TSKU: variants seen among roughly 807,000 people sequenced by gnomAD.
TSKU encodes tsukushi.
A neutral mutation model predicts 11.2 loss-of-function variants in TSKU; 4 were observed. The ratio of observed to expected loss-of-function variants is 0.36; its 90% confidence interval spans 0.18 to 0.82. The LOEUF (loss-of-function observed/expected upper bound fraction) is 0.82. Ranked by LOEUF, TSKU falls within the 40% of genes least tolerant of loss-of-function variation. The probability of loss-of-function intolerance (pLI) is 0.50; values close to 1 mark genes in which losing one functional copy is unlikely to be tolerated. For missense variants in TSKU, 407 were observed against 482.5 expected (o/e 0.84, Z 1.47); for synonymous variants, 220 against 232.2 (o/e 0.95, Z 0.48).
chr11:76,788,621 C>G (rs939592753), intron 1 of TSKU, among the ~76,000 whole-genome samples: 4 of 152,214 alleles, frequency 2.6e-5, no homozygotes, highest in Admixed American at 1.3e-4. Flanking sequence ...GCCTGCCATT[C>G]TGTCATTTAA....
chr11:76,793,900 A>G (rs569667762), intron 1 of TSKU, among the ~76,000 whole-genome samples: 7 of 152,168 alleles, frequency 4.6e-5, no homozygotes, highest in South Asian at 2.1e-4. Context: ...TCAAGTGGCT[A>G]GCCCTTTAAA....
chr11:76,789,823 T>G (rs543969390), intron 1 of TSKU, among the ~76,000 whole-genome samples: 1 of 152,242 alleles, frequency 6.6e-6, no homozygotes, highest in East Asian at 1.9e-4. Context: ...AGGGAGGCAG[T>G]GTGAATACTG....
intron 1 of TSKU, among the ~76,000 whole-genome samples, chr11:76,783,670 C>T (rs1170683157): frequency 6.6e-6 from 1 of 152,196 alleles, no homozygotes; most frequent in Non-Finnish European, 1.5e-5. Flanking sequence ...ACGTGCATCT[C>T]ACGTTTGTGG....
Position 76,796,335 on chromosome 11 carries a change from A to G in TSKU, c.719A>G (p.Gln240Arg), listed in dbSNP as rs757688553. ...ACACACCTGTCTCTGGCCAGCCTGCAGAGGCTCCCTGAGCTGGCGCCCAGT... is the reference window on the plus strand; with the variant it reads ...ACACACCTGTCTCTGGCCAGCCTGCGGAGGCTCCCTGAGCTGGCGCCCAGT... Reference protein sequence around the residue: ...GLTHLSLASLQRLPELAPSGF... With the variant: ...GLTHLSLASLRRLPELAPSGF... The change falls in exon 2 of 2, where the codon CAG (glutamine) becomes CGG (arginine). Residue 240 changes from glutamine (Q) to arginine (R), a missense_variant. Gln to Arg is a conservative substitution (Grantham distance 43, BLOSUM62 1). Transcript: ENST00000333090. This position sits in a 1 kb window ranked among gnomAD's most constrained non-coding sequence, Gnocchi z 4.1. The G allele has an allele frequency of 1.9e-6, 3 of 1,613,288 alleles. No individual in the cohort carries two copies. The highest frequency in any genetic ancestry group is 2.5e-6 in the Non-Finnish European group (3 of 1,180,002).
intron 1 of TSKU, among the ~76,000 whole-genome samples, chr11:76,790,230 T>A (rs1442744101): frequency 6.6e-6 from 1 of 152,030 alleles, no homozygotes. Context: ...ATGAGGACAG[T>A]CCATGGCAGA....
At chr11:76,784,746 T>TGG (rs774195231) in intron 1 of TSKU, among the ~76,000 whole-genome samples, 77 of 41,782 alleles carry the variant, frequency 1.8e-3, no homozygotes, top group African/African-American at 2.3e-3. Context: ...TGACCGGAGG[T>TGG]GGGGGGGGGG....
At chr11:76,792,437 C>T (rs1239849109) in intron 1 of TSKU, 2 of 152,132 alleles carry the variant, frequency 1.3e-5, no homozygotes, top group African/African-American at 2.4e-5. Flanking sequence ...GTTGGGAAGG[C>T]ATGATTGGTT....
At chr11:76,786,057 C>G (rs181983421) in intron 1 of TSKU, among the ~76,000 whole-genome samples, 38 of 152,368 alleles carry the variant, frequency 2.5e-4, no homozygotes, top group Admixed American at 1.6e-3. Context: ...CAATAGAAGG[C>G]AGAGACAGCA....
At chr11:76,782,811 A>C (rs903483133), upstream of TSKU, 1 of 151,874 alleles carries the variant, frequency 6.6e-6, no homozygotes, top group East Asian at 1.9e-4. Context: ...TCTCTGCTTC[A>C]GATTCTTGGT....
At chr11:76,782,360 G>C (rs1944243831), upstream of TSKU, 1 of 151,802 alleles carries the variant, frequency 6.6e-6, no homozygotes, top group Non-Finnish European at 1.5e-5. Context: ...TCTAGGAGAA[G>C]CTCCTGGGAG....
At position 76,796,090 on chromosome 11, in the gene TSKU, G is replaced by A. The variant is rs966127182; in HGVS notation, c.474G>A (p.Arg158=). The change falls in exon 2 of 2, where the codon CGG becomes CGA. Residue 158 remains arginine (R), a synonymous_variant. Transcript: ENST00000333090. The surrounding 1 kb of genome is among the most constrained non-coding windows in gnomAD (Gnocchi z 4.1). The part of the protein sequence containing the change: ...VSAFTTHSQG[R]ALHVDLSHNL... Reference sequence around the variant, plus strand: ...CCTTCACGACGCACAGTCAGGGCCGGGCACTACACGTGGACCTCTCCCACA... The same window carrying A: ...CCTTCACGACGCACAGTCAGGGCCGAGCACTACACGTGGACCTCTCCCACA... The A allele has an allele frequency of 6.2e-7, 1 of 1,614,014 alleles. No homozygotes were observed. Among genetic ancestry groups the A allele is most frequent in the African/African-American group, 1.3e-5 (1 of 75,022 alleles).
intron 1 of TSKU, among the ~76,000 whole-genome samples, chr11:76,789,326 C>T (rs1318509625): frequency 1.3e-5 from 2 of 152,190 alleles, no homozygotes; most frequent in African/African-American, 2.4e-5. Flanking sequence ...TTACAGGTGC[C>T]TCGTGCATGG....
chr11:76,794,856 G>C (rs1327583736), intron 1 of TSKU, among the ~76,000 whole-genome samples: 1 of 152,166 alleles, frequency 6.6e-6, no homozygotes, highest in Non-Finnish European at 1.5e-5. Context: ...AGTCACTGCA[G>C]GCCCCATTGC....
intron 1 of TSKU, among the ~76,000 whole-genome samples, chr11:76,787,592 A>G (rs751273096): frequency 3.9e-5 from 6 of 152,200 alleles, no homozygotes; most frequent in Non-Finnish European, 7.3e-5. Flanking sequence ...TTGAGGAAGC[A>G]TGGGAGAGGT....
At position 76,795,608 on chromosome 11, in the gene TSKU, G is replaced by GC; in HGVS notation, c.-4dup. On this transcript the variant is annotated splice_region_variant and 5_prime_UTR_variant. Coordinates refer to ENST00000333090, the MANE Select transcript of TSKU (RefSeq NM_015516.4). ...TTCCTCACCTGTGGCTCTCTTTCTA[G>GC]CCCCCACCATGCCGTGGCCCCTGCT... The GC allele has an allele frequency of 6.2e-7, 1 of 1,606,898 alleles. No homozygotes were observed. Among genetic ancestry groups the GC allele is most frequent in the Non-Finnish European group, 8.5e-7 (1 of 1,179,264 alleles).
At chr11:76,789,568 T>A (rs753758445) in intron 1 of TSKU, among the ~76,000 whole-genome samples, 3 of 152,246 alleles carry the variant, frequency 2.0e-5, no homozygotes, top group Non-Finnish European at 4.4e-5. Flanking sequence ...GCATGATTCA[T>A]GGCCCCTGCA....
chr11:76,785,342 C>T (rs1270973594), intron 1 of TSKU, among the ~76,000 whole-genome samples: 1 of 152,234 alleles, frequency 6.6e-6, no homozygotes, highest in Non-Finnish European at 1.5e-5. Context: ...CAGAGCAAGG[C>T]TGGCCTGGGC....
intron 1 of TSKU, among the ~76,000 whole-genome samples, chr11:76,783,844 C>T (rs1317630169): frequency 6.6e-6 from 1 of 152,174 alleles, no homozygotes; most frequent in Non-Finnish European, 1.5e-5. Flanking sequence ...CGGTGCCTGC[C>T]GACGTGTCTG....
intron 1 of TSKU, among the ~76,000 whole-genome samples, chr11:76,795,312 GT>G (rs1162452674): frequency 2.0e-5 from 3 of 152,218 alleles, no homozygotes; most frequent in African/African-American, 7.2e-5. Context: ...AGGGCTTCAG[GT>G]CCCCCTCACT....
Sources: gnomAD v4.1 joint callset for allele counts (sites outside exome capture counted in the v4.1 genomes callset) on GRCh38, gnomAD v4.1.1 for gene constraint, Gnocchi (gnomAD v3.1) non-coding constraint, MANE v1.5 for transcripts, NCBI Gene and HGNC (gene_info 2026-07-23, HGNC 2026-07-21) for gene names.